The following SAE1 variants were observed in gnomAD, a reference collection of about 807,000 sequenced individuals.
SAE1 encodes SUMO1 activating enzyme subunit 1, also known as SUMO-activating enzyme subunit 1.
A neutral mutation model predicts 40.6 loss-of-function variants in SAE1; 11 were observed. The observed-to-expected ratio is 0.27, with a 90% confidence interval of 0.17 to 0.45. SAE1 has a LOEUF of 0.45. SAE1 is among the 20% of genes least tolerant of loss of function. The probability of loss-of-function intolerance (pLI) is 1.00; values close to 1 mark genes in which losing one functional copy is unlikely to be tolerated. For missense variants in SAE1, 373 were observed against 427.3 expected, an observed-to-expected ratio of 0.87 and a Z score of 1.12; for synonymous variants, 155 against 154.3, an observed-to-expected ratio of 1.00 and a Z score of -0.03.
intron 5 of SAE1, among the ~76,000 whole-genome samples, chr19:47,164,552 G>C (rs1045508894): frequency 6.6e-6 from 1 of 151,222 alleles, no homozygotes; most frequent in African/African-American, 2.4e-5. Flanking sequence ...ATTGTATTGA[G>C]GTTATTGAGG....
chr19:47,149,969 G>A (rs2058277536), intron 2 of SAE1, among the ~76,000 whole-genome samples: 1 of 151,580 alleles, frequency 6.6e-6, no homozygotes, highest in South Asian at 2.1e-4. Flanking sequence ...CAGCTACTTG[G>A]GAGGCTGAGG....
chr19:47,208,382 C>T (rs2058696448), intron 8 of SAE1, among the ~76,000 whole-genome samples: 1 of 152,176 alleles, frequency 6.6e-6, no homozygotes, highest in Non-Finnish European at 1.5e-5. Flanking sequence ...ACCTCAGCCT[C>T]CCGAGTAGCT....
At chr19:47,164,350 AG>A in intron 5 of SAE1, among the ~76,000 whole-genome samples, 1 of 151,648 alleles carries the variant, frequency 6.6e-6, no homozygotes, top group Admixed American at 6.6e-5. Flanking sequence ...TTGTATTTTT[AG>A]TAGAGACGGG....
chr19:47,175,811 G>A (rs1003072767), intron 6 of SAE1, among the ~76,000 whole-genome samples: 2 of 152,262 alleles, frequency 1.3e-5, no homozygotes, highest in Admixed American at 6.5e-5. Flanking sequence ...GTGAGTTAGG[G>A]AAACAGGATC....
chr19:47,186,331 A>G (rs961074548), intron 6 of SAE1, among the ~76,000 whole-genome samples: 1 of 151,932 alleles, frequency 6.6e-6, no homozygotes, highest in Non-Finnish European at 1.5e-5. Context: ...GGTAAGTACA[A>G]TGCAAATATT....
intron 1 of SAE1, among the ~76,000 whole-genome samples, chr19:47,138,544 G>A (rs1267274506): frequency 6.6e-6 from 1 of 152,208 alleles, no homozygotes; most frequent in Non-Finnish European, 1.5e-5. Context: ...TTCTGCTGAT[G>A]GACACAGGTT....
At chr19:47,146,854 A>C (rs529255387) in intron 2 of SAE1, among the ~76,000 whole-genome samples, 1 of 152,306 alleles carries the variant, frequency 6.6e-6, no homozygotes, top group South Asian at 2.1e-4. Context: ...CTCCGGAGAC[A>C]GCACACAGAA....
intron 5 of SAE1, among the ~76,000 whole-genome samples, chr19:47,164,947 C>T (rs1008863602): frequency 9.2e-5 from 14 of 151,378 alleles, no homozygotes; most frequent in Admixed American, 4.6e-4. Flanking sequence ...CCACAGTGCC[C>T]GGCTAATTTT....
intron 1 of SAE1, among the ~76,000 whole-genome samples, chr19:47,132,820 G>C (rs906905993): frequency 6.6e-5 from 10 of 151,764 alleles, no homozygotes; most frequent in Non-Finnish European, 1.0e-4. Flanking sequence ...CCCCTGGGAG[G>C]TGGAGGTTGC....
At chr19:47,184,382 C>T (rs1430225741) in intron 6 of SAE1, among the ~76,000 whole-genome samples, 2 of 152,000 alleles carry the variant, frequency 1.3e-5, no homozygotes, top group Non-Finnish European at 2.9e-5. Context: ...ACAGTTGTAC[C>T]TACCTCATTC....
chr19:47,172,750 T>C (rs160263), intron 6 of SAE1, among the ~76,000 whole-genome samples: 2 of 149,482 alleles, frequency 1.3e-5, no homozygotes, highest in Admixed American at 6.7e-5. Flanking sequence ...TACTCCAGAG[T>C]TGAAAAGTGT....
In SAE1 at chr19:47,169,820, G is replaced by A. The variant is rs1451754603; in HGVS notation, c.630G>A (p.Lys210=). Residue 210 remains lysine (K), a splice_region_variant and synonymous_variant, in exon 6 of 9, where the codon AAG becomes AAA. Transcript: ENST00000270225. ...GCAGTTCTGCCTTTTTTCCACAGAA[G>A]GTGGTCTTCTGCCCTGTTAAAGAAG... is the stretch of plus-strand genomic sequence containing the variant. ...DSSETTMVKK[K]VVFCPVKEAL... 7 of 1,611,594 alleles carry A rather than the reference G, an allele frequency of 4.3e-6. No individual in the cohort carries two copies. The highest frequency in any genetic ancestry group is 5.1e-6 in the Non-Finnish European group (6 of 1,177,812).
At chr19:47,186,946 C>T (rs750732624) in intron 6 of SAE1, among the ~76,000 whole-genome samples, 4 of 152,112 alleles carry the variant, frequency 2.6e-5, no homozygotes, top group African/African-American at 7.2e-5. Context: ...GTGAGCTCCG[C>T]GTGTGAGGGC....
At chr19:47,159,200 C>G (rs1367281317) in intron 5 of SAE1, among the ~76,000 whole-genome samples, 2 of 152,214 alleles carry the variant, frequency 1.3e-5, no homozygotes, top group Non-Finnish European at 2.9e-5. Context: ...ATACTCTTTT[C>G]ATGAATTAGT....
intron 7 of SAE1, among the ~76,000 whole-genome samples, chr19:47,202,741 G>A (rs900450777): frequency 4.0e-5 from 6 of 151,756 alleles, no homozygotes; most frequent in East Asian, 2.0e-4. Context: ...GTGAAACCCC[G>A]TCTCTACTAA....
chr19:47,147,199 G>GT (rs397859917), intron 2 of SAE1, among the ~76,000 whole-genome samples: 732 of 60,982 alleles, frequency 0.012, 47 homozygotes, highest in East Asian at 0.025. Context: ...ATGTGTATGG[G>GT]TTTTTTTTTT....
chr19:47,209,672 T>G lies in SAE1; in HGVS notation c.*421T>G. 2 of 191,122 alleles carry G rather than the reference T, an allele frequency of 1.0e-5. No homozygotes were observed. The highest frequency in any genetic ancestry group is 1.3e-4 in the East Asian group (1 of 7,414). The allele number at this position is 191,122 out of a possible 1,614,324, so 11.8% of individuals were successfully genotyped here. A position where few individuals can be genotyped will look rare whatever the true frequency, so the allele number is the denominator to read the frequency against. The stretch of plus-strand genomic sequence containing the variant: ...CTTCTTGGACTTATTCCCCACCTGA[T>G]ACCTTATAGAGAAAAGTGTGAATTC... On this transcript the variant is annotated 3_prime_UTR_variant, in exon 9 of 9. Coordinates refer to ENST00000270225, the MANE Select transcript of SAE1 (RefSeq NM_005500.3).
At chr19:47,142,177 G>A (rs2058226280) in intron 1 of SAE1, among the ~76,000 whole-genome samples, 1 of 151,724 alleles carries the variant, frequency 6.6e-6, no homozygotes. Flanking sequence ...TGAGGTCAGG[G>A]GTTCGAGACC....
intron 5 of SAE1, among the ~76,000 whole-genome samples, chr19:47,169,060 A>G (rs1272676688): frequency 6.6e-6 from 1 of 151,862 alleles, no homozygotes; most frequent in South Asian, 2.1e-4. Context: ...CATCCCTTTT[A>G]TTGTTTCTCT....
Sources: allele counts gnomAD v4.1 joint callset (sites outside exome capture counted in the v4.1 genomes callset), GRCh38; gene constraint gnomAD v4.1.1; transcripts MANE v1.5; gene names NCBI Gene and HGNC (gene_info 2026-07-23, HGNC 2026-07-21).